ACP3: variants seen among roughly 807,000 people sequenced by gnomAD.
The protein encoded by ACP3 is prostatic acid phosphatase.
ACP3 carries 38 observed loss-of-function variants against 45.6 expected under a neutral mutation model. That is an observed-to-expected ratio of 0.83 (90% CI 0.64 to 1.09). ACP3 has a LOEUF of 1.09. Ranked by LOEUF, ACP3 falls within the 50% of genes least tolerant of loss-of-function variation. ACP3 has a pLI of 0.00. For synonymous variants in ACP3, 162 were observed against 164.7 expected (o/e 0.98, Z 0.13); for missense variants, 466 against 463.2 (o/e 1.01, Z -0.05).
downstream of ACP3, among the ~76,000 whole-genome samples, chr3:132,362,149 C>T (rs1233861688): frequency 6.6e-6 from 1 of 152,092 alleles, no homozygotes; most frequent in Non-Finnish European, 1.5e-5. Context: ...CTTTTGAAAG[C>T]CATCAGTGTC....
rs1256916089 is a variant in ACP3, at chr3:132,337,521, A to G, written c.522A>G (p.Ser174=). The change falls in exon 5 of 10, where the codon TCA becomes TCG. Residue 174 remains serine (S), a synonymous_variant. Coordinates refer to ENST00000336375, the MANE Select transcript of ACP3 (RefSeq NM_001099.5). ...FQELESETLK[S]EEFQKRLHPY... ...AACTTGAGAGTGAGACTTTGAAATC[A>G]GAGGAATTCCAGAAGAGGCTGCACC... is the stretch of plus-strand genomic sequence containing the variant. 1 of 1,610,960 alleles carries G rather than the reference A, an allele frequency of 6.2e-7. No individual in the cohort carries two copies. The highest frequency in any genetic ancestry group is 8.5e-7 in the Non-Finnish European group (1 of 1,177,442).
At chr3:132,337,202 G>T in intron 4 of ACP3, 1 of 329,540 alleles carries the variant, frequency 3.0e-6, no homozygotes, top group South Asian at 4.6e-5. Context: ...ACCACCAACA[G>T]CTCAGTTATA....
At chr3:132,337,725 C>A (rs1937513944) in intron 5 of ACP3, among the ~76,000 whole-genome samples, 171 bp downstream of exon 5, 1 of 152,188 alleles carries the variant, frequency 6.6e-6, no homozygotes, top group Admixed American at 6.5e-5. Flanking sequence ...GGTCATCACT[C>A]CTGCTTCCCT....
intron 10 of ACP3, chr3:132,367,599 C>A: frequency 1.2e-6 from 1 of 849,756 alleles, no homozygotes; most frequent in South Asian, 1.5e-5. Flanking sequence ...TCTTTAGCAA[C>A]TCCTCTGAAA....
intron 5 of ACP3, among the ~76,000 whole-genome samples, chr3:132,338,001 C>A (rs1050929338): frequency 1.3e-5 from 2 of 151,842 alleles, no homozygotes; most frequent in African/African-American, 4.8e-5. Flanking sequence ...TTAAAATAAT[C>A]TTTTGAATAT....
At position 132,357,324 on chromosome 3, in the gene ACP3, A is replaced by T. The variant is rs1218382593; in HGVS notation, c.*446A>T. 4.1e-6 allele frequency: 4 copies of T among 985,948 alleles called. No homozygotes were observed. Among genetic ancestry groups the T allele is most frequent in the Non-Finnish European group, 4.8e-6 (4 of 830,382 alleles). 61.1% of individuals were successfully genotyped at this position (985,948 alleles called of 1,614,324 possible). ...ATCTAGGATGGGAACAAGGAAGGAA[A>T]GATGTGAATAGGCTGATGGGCAAAA... On this transcript the variant is annotated 3_prime_UTR_variant, in exon 10 of 10. Transcript: ENST00000336375.
At chr3:132,349,811 C>T in intron 7 of ACP3, 109 bp from the exon 8 acceptor site, 1 of 714,420 alleles carries the variant, frequency 1.4e-6, no homozygotes, top group South Asian at 1.7e-5. Context: ...TGCCCCTCTT[C>T]TTAAGTCATG....
intron 7 of ACP3, among the ~76,000 whole-genome samples, chr3:132,348,836 C>T (rs1937652201): frequency 6.6e-6 from 1 of 152,250 alleles, no homozygotes; most frequent in East Asian, 1.9e-4. Flanking sequence ...ACAGACCTGT[C>T]TCTTCTTACT....
At chr3:132,350,704 G>A (rs1249848161) in intron 8 of ACP3, among the ~76,000 whole-genome samples, 2 of 152,162 alleles carry the variant, frequency 1.3e-5, no homozygotes, top group Admixed American at 1.3e-4. Flanking sequence ...ATGCTGGATG[G>A]CAGCTGAAGG....
intron 1 of ACP3, among the ~76,000 whole-genome samples, chr3:132,327,700 TC>T (rs1478825530): frequency 1.3e-5 from 2 of 151,644 alleles, no homozygotes; most frequent in African/African-American, 4.9e-5. Flanking sequence ...GCGCCTGTAG[TC>T]CCAGCTACTC....
chr3:132,332,706 T>G, intron 4 of ACP3: 1 of 194,214 alleles, frequency 5.1e-6, no homozygotes, highest in Non-Finnish European at 1.1e-5. Context: ...GTTTCTCCAC[T>G]CTCCAGATTA....
chr3:132,321,597 A>G (rs1326016763), intron 1 of ACP3, among the ~76,000 whole-genome samples: 1 of 152,194 alleles, frequency 6.6e-6, no homozygotes, highest in African/African-American at 2.4e-5. Flanking sequence ...TGCATTTCAC[A>G]AATTTTCAGG....
At chr3:132,359,239 G>A (rs565750115), downstream of ACP3, among the ~76,000 whole-genome samples, 5 of 152,316 alleles carry the variant, frequency 3.3e-5, no homozygotes, top group Non-Finnish European at 5.9e-5. Flanking sequence ...GAGGCCAGGC[G>A]AGGTGGCTCA....
At position 132,344,958 on chromosome 3, in the gene ACP3, C is replaced by T; in HGVS notation, c.680C>T (p.Ala227Val). ...CACAATTTCACTTTACCCTCCTGGG[C>T]CACTGAGGACACCATGACTAAGTTG... The part of the protein sequence containing the change: ...SVHNFTLPSW[A>V]TEDTMTKLRE... The change falls in exon 7 of 10, where the codon GCC becomes GTC. Residue 227 changes from alanine (A) to valine (V), a missense_variant. Ala to Val is a moderately conservative substitution (Grantham distance 64, BLOSUM62 0). Coordinates refer to ENST00000336375, the MANE Select transcript of ACP3 (RefSeq NM_001099.5). The T allele has an allele frequency of 6.2e-7, 1 of 1,613,868 alleles. No individual in the cohort carries two copies. Among genetic ancestry groups the T allele is most frequent in the South Asian group, 1.1e-5 (1 of 91,076 alleles).
rs895558477 is a variant in ACP3, at chr3:132,349,921, T to C, written c.783T>C (p.Gly261=). ...GGTTATTGATTCATCTTCTTTAAGG[T>C]GTCCTGGTCAATGAAATCCTCAATC... ...KQKEKSRLQG[G]VLVNEILNHM... is the part of the protein sequence containing the mutation. The change falls in exon 8 of 10, where the codon GGT becomes GGC. Residue 261 remains glycine, a splice_region_variant and synonymous_variant. Coordinates refer to ENST00000336375, the MANE Select transcript of ACP3 (RefSeq NM_001099.5). The C allele has an allele frequency of 2.5e-6, 4 of 1,609,226 alleles. No homozygotes were observed. In the African/African-American group the frequency reaches 4.0e-5, roughly 16 times the overall value.
intron 7 of ACP3, among the ~76,000 whole-genome samples, chr3:132,346,883 G>A (rs545071375): frequency 1.4e-4 from 21 of 152,296 alleles, no homozygotes; most frequent in Middle Eastern, 3.4e-3. Context: ...ACTCCCAAAC[G>A]AGTTGAATCA....
At chr3:132,364,135 A>G (rs1012713794) in intron 10 of ACP3, among the ~76,000 whole-genome samples, 1 of 152,080 alleles carries the variant, frequency 6.6e-6, no homozygotes, top group African/African-American at 2.4e-5. Flanking sequence ...CTTGAGCCCA[A>G]GAGTTTAGGA....
Position 132,357,070 on chromosome 3 carries a change from C to T in ACP3, c.*192C>T. On this transcript the variant is annotated 3_prime_UTR_variant, in exon 10 of 10. Coordinates refer to ENST00000336375, the MANE Select transcript of ACP3 (RefSeq NM_001099.5). ...GACCCTGCCCCCACTTGCCATAAAA[C>T]TTAGCTAAGTTTTGTTTTGTTTTTC... is the stretch of plus-strand genomic sequence containing the variant. The T allele has an allele frequency of 7.5e-7, 1 of 1,334,056 alleles. No homozygotes were observed. Among genetic ancestry groups the T allele is most frequent in the Non-Finnish European group, 9.6e-7 (1 of 1,044,126 alleles). The allele number at this position is 1,334,056 out of a possible 1,614,324, so 82.6% of individuals were successfully genotyped here.
At chr3:132,350,292 G>A (rs1937696491) in intron 8 of ACP3, among the ~76,000 whole-genome samples, 1 of 152,212 alleles carries the variant, frequency 6.6e-6, no homozygotes, top group South Asian at 2.1e-4. Flanking sequence ...AGAGGGTGGA[G>A]AAGAGAAGCA....
Sources: gnomAD v4.1 joint callset for allele counts (sites outside exome capture counted in the v4.1 genomes callset) on GRCh38, gnomAD v4.1.1 for gene constraint, MANE v1.5 for transcripts, NCBI Gene and HGNC (gene_info 2026-07-23, HGNC 2026-07-21) for gene names.